The following RYR3 variants were observed in gnomAD, a reference collection of about 807,000 sequenced individuals.
RYR3 encodes ryanodine receptor 3.
In RYR3, 207 loss-of-function variants were observed where a neutral mutation model predicts 584.3. The ratio of observed to expected loss-of-function variants is 0.35; its 90% CI spans 0.32 to 0.40. The LOEUF is 0.40. Among genes scored for constraint, RYR3 ranks in the 10% least tolerant of loss-of-function variants. The pLI, the probability that RYR3 is intolerant of heterozygous loss-of-function variation, is 1.00. For synonymous variants in RYR3, 2,416 were observed against 2,248.5 expected, an observed-to-expected ratio of 1.07 and a Z score of -2.11; for missense variants, 5,616 against 6,089.2, an observed-to-expected ratio of 0.92 and a Z score of 2.59.
At chr15:33,842,587 T>C (rs760707272) in intron 91 of RYR3, among the ~76,000 whole-genome samples, 6 of 151,742 alleles carry the variant, frequency 4.0e-5, no homozygotes, top group South Asian at 2.1e-4. Context: ...CACAGAGAGA[T>C]TGGGAACGTT....
chr15:33,644,100 T>G (rs990707780), intron 27 of RYR3, among the ~76,000 whole-genome samples: 1 of 152,220 alleles, frequency 6.6e-6, no homozygotes, highest in Non-Finnish European at 1.5e-5. Flanking sequence ...CCAAGCTCTC[T>G]TATCTTTCCT....
At chr15:33,315,756 C>T (rs1968075710) in intron 1 of RYR3, among the ~76,000 whole-genome samples, 1 of 152,132 alleles carries the variant, frequency 6.6e-6, no homozygotes, top group Non-Finnish European at 1.5e-5. Flanking sequence ...TCAGAAAGGC[C>T]GCATCAGCAG....
At chr15:33,842,771 G>A (rs1485105384) in intron 91 of RYR3, among the ~76,000 whole-genome samples, 1 of 152,186 alleles carries the variant, frequency 6.6e-6, no homozygotes. Context: ...GAGTTGCCAG[G>A]GTCTTCTGCG....
chr15:33,557,103 G>A lies in RYR3; in HGVS notation c.973-5734G>A, dbSNP rs562406225. Among the ~76,000 whole-genome samples, 396 of 152,232 alleles carry A rather than the reference G, an allele frequency of 2.6e-3. 5 individuals are homozygous for A. In the South Asian group the frequency reaches 0.03, roughly 12 times the overall value. The stretch of plus-strand genomic sequence containing the variant: ...TTCAAGTGAATTATACCTGGCTTTG[G>A]AATTGTACCTGATTTTGGATTATGT... On this transcript the variant is annotated intron_variant, in intron 10 of 103. Transcript: ENST00000634891.
chr15:33,855,822 A>G (rs1198817803), intron 98 of RYR3: 3 of 152,210 alleles, frequency 2.0e-5, no homozygotes, highest in Non-Finnish European at 4.4e-5. Flanking sequence ...TATTGATGAG[A>G]CTGGATATAG....
chr15:33,800,409 C>T (rs1434416964), intron 67 of RYR3, among the ~76,000 whole-genome samples: 1 of 152,186 alleles, frequency 6.6e-6, no homozygotes, highest in East Asian at 1.9e-4. Context: ...TTAAAGGAAG[C>T]ATGTCCCAAA....
chr15:33,849,986 C>G (rs939944385), intron 94 of RYR3: 3 of 152,178 alleles, frequency 2.0e-5, no homozygotes, highest in African/African-American at 7.2e-5. Context: ...GTCTTAGACA[C>G]TATTGAATAG....
intron 60 of RYR3, among the ~76,000 whole-genome samples, chr15:33,758,788 C>T (rs1200384725): frequency 6.6e-6 from 1 of 152,224 alleles, no homozygotes; most frequent in Non-Finnish European, 1.5e-5. Context: ...AGCACTCAAG[C>T]TCTGCTAAGG....
intron 1 of RYR3, among the ~76,000 whole-genome samples, chr15:33,340,090 TCTC>T (rs1047599560): frequency 2.0e-5 from 3 of 152,170 alleles, no homozygotes; most frequent in South Asian, 4.1e-4. Flanking sequence ...ACTGCCTGCT[TCTC>T]CTCCAAGGAC....
rs1308305216 is a variant in RYR3, at chr15:33,603,333, C to T, written c.2133C>T (p.Ser711=). Residue 711 remains serine, a synonymous_variant, in exon 18 of 104, where the codon TCC becomes TCT. Coordinates refer to ENST00000634891, the MANE Select transcript of RYR3 (RefSeq NM_001036.6). ...GGNGVGDDLY[S]YGFDGLHLWS... ...ATGGTGTTGGTGACGACCTGTACTC[C>T]TATGGCTTTGATGGACTTCACCTTT... 3 of 1,606,376 alleles carry T rather than the reference C, an allele frequency of 1.9e-6. No homozygotes were observed. Among genetic ancestry groups the T allele is most frequent in the East Asian group, 2.2e-5 (1 of 44,746 alleles).
intron 31 of RYR3, among the ~76,000 whole-genome samples, chr15:33,651,509 A>G (rs1014156119): frequency 1.3e-5 from 2 of 152,238 alleles, no homozygotes; most frequent in Non-Finnish European, 2.9e-5. Context: ...CATGCTTACA[A>G]AGGGGGAAAG....
At position 33,656,742 on chromosome 15, in the gene RYR3, G is replaced by C. The variant is rs74410732; in HGVS notation, c.4309-2978G>C. Among the ~76,000 whole-genome samples the C allele has an allele frequency of 5.1e-3, 780 of 152,236 alleles. 7 individuals carry two copies. The highest frequency in any genetic ancestry group is 0.017 in the African/African-American group (714 of 41,536). On this transcript the variant is annotated intron_variant, in intron 32 of 103. Transcript: ENST00000634891. ...TTCTGAGGCCCCTGTTTCCTTGCTG[G>C]CTATCAGCCAGGGCCACTCTCAGCT...
rs760927000 is a variant in RYR3, at chr15:33,652,786, G to C, written c.4211G>C (p.Arg1404Pro). 2 of 1,613,716 alleles carry C rather than the reference G, an allele frequency of 1.2e-6. No homozygotes were observed. Among genetic ancestry groups the C allele is most frequent in the South Asian group, 2.2e-5 (2 of 91,044 alleles). ...DIVASSQRSN[R>P]SNVDLEIGCL... Reference sequence around the variant, plus strand: ...GTAGCCAGTTCCCAGAGATCAAATCGGAGCAACGTGGACCTGGAGATCGGC... The same window carrying C: ...GTAGCCAGTTCCCAGAGATCAAATCCGAGCAACGTGGACCTGGAGATCGGC... Residue 1404 changes from arginine to proline, a missense_variant, in exon 32 of 104, where the codon CGG becomes CCG. By Grantham distance (103) the Arg-to-Pro change is moderately radical (BLOSUM62 -2). Transcript: ENST00000634891.
intron 1 of RYR3, among the ~76,000 whole-genome samples, chr15:33,389,164 A>T (rs919138992): frequency 1.3e-5 from 2 of 151,472 alleles, no homozygotes; most frequent in South Asian, 4.2e-4. Flanking sequence ...CCAACATGGC[A>T]CATGTATACA....
intron 1 of RYR3, chr15:33,465,820 G>C (rs1234869751): frequency 1.9e-6 from 1 of 518,182 alleles, no homozygotes; most frequent in South Asian, 1.4e-5. Flanking sequence ...ATTTGCTGAT[G>C]GTGTGGATGT....
In RYR3 at chr15:33,773,547, G is replaced by C; in HGVS notation, c.9069G>C (p.Gln3023His). ...FGMDLLLGDV[Q>H]ISCYHILCSL... ...TCTTTGTTTCAGTGGGTGATGTGCA[G>C]ATTTCATGCTACCACATACTGTGCA... is the stretch of plus-strand genomic sequence containing the variant. The change falls in exon 64 of 104, where the codon CAG (glutamine) becomes CAC (histidine). Residue 3023 changes from glutamine to histidine, a missense_variant. By Grantham distance (24) the Gln-to-His change is conservative. Around this residue, in one of 9 missense-constraint regions of RYR3, gnomAD observed 954 missense variants for 1,132.2 expected, o/e 0.84. Coordinates refer to ENST00000634891, the MANE Select transcript of RYR3 (RefSeq NM_001036.6). 6.2e-7 allele frequency: 1 copy of C among 1,607,030 alleles called. No individual in the cohort carries two copies. Among genetic ancestry groups the C allele is most frequent in the Non-Finnish European group, 8.5e-7 (1 of 1,176,118 alleles).
chr15:33,505,957 C>T (rs2052451087), intron 3 of RYR3, among the ~76,000 whole-genome samples: 1 of 152,148 alleles, frequency 6.6e-6, no homozygotes, highest in Non-Finnish European at 1.5e-5. Context: ...CAAAGACATA[C>T]TATGTTAATT....
chr15:33,843,752 T>G (rs2078530552), intron 92 of RYR3, among the ~76,000 whole-genome samples, 178 bp downstream of exon 92: 2 of 152,240 alleles, frequency 1.3e-5, no homozygotes, highest in African/African-American at 4.8e-5. Context: ...GAGAGACTAC[T>G]GACAAGAGAG....
Position 33,423,472 on chromosome 15 carries a change from T to A in RYR3, c.52-49947T>A, listed in dbSNP as rs2044381257. ...TTGGCCTGTAAGCATCTGTTTGAGT[T>A]CCTGCTTTCAGTTCCTTTGGATATA... On this transcript the variant is annotated intron_variant, in intron 1 of 103. Coordinates refer to ENST00000634891, the MANE Select transcript of RYR3 (RefSeq NM_001036.6). Among the ~76,000 whole-genome samples the A allele has an allele frequency of 2.0e-5, 3 of 152,226 alleles. No homozygotes were observed. In the South Asian group the frequency reaches 6.2e-4, roughly 31 times the overall value.
Sources: gnomAD v4.1 joint callset for allele counts (sites outside exome capture counted in the v4.1 genomes callset) on GRCh38, gnomAD v4.1.1 for gene constraint, gnomAD v4.1.1 regional missense constraint, MANE v1.5 for transcripts, NCBI Gene and HGNC (gene_info 2026-07-23, HGNC 2026-07-21) for gene names.